Variants in XPC observed in about 807,000 individuals in gnomAD.
XPC encodes the protein DNA repair protein complementing XP-C cells.
A neutral mutation model predicts 95.8 loss-of-function variants in XPC; 76 were observed. The observed-to-expected ratio is 0.79, with a 90% confidence interval of 0.66 to 0.96. The LOEUF (loss-of-function observed/expected upper bound fraction) is 0.96. Ranked by LOEUF, XPC falls within the 40% of genes least tolerant of loss-of-function variation. XPC has a pLI of 0.00. For missense variants in XPC, 1,146 were observed against 1,179.8 expected, an observed-to-expected ratio of 0.97 and a Z score of 0.42; for synonymous variants, 442 against 442.1, an observed-to-expected ratio of 1.00 and a Z score of 0.00.
intron 7 of XPC, chr3:14,164,576 G>A (rs1380496677): frequency 2.3e-6 from 1 of 428,448 alleles, no homozygotes; most frequent in East Asian, 4.4e-5. Flanking sequence ...CGATAGGGAG[G>A]AAAGCATACA....
intron 5 of XPC, 21 bp downstream of exon 5, chr3:14,167,148 C>T (rs763582398): frequency 1.3e-6 from 2 of 1,548,522 alleles, no homozygotes; most frequent in South Asian, 1.2e-5. Flanking sequence ...AAAGTCCTTC[C>T]CCATCATTCC....
intron 10 of XPC, chr3:14,153,097 C>T (rs2125016813): frequency 6.6e-6 from 1 of 152,376 alleles, no homozygotes; most frequent in African/African-American, 2.4e-5. Flanking sequence ...TTAGTTTGCA[C>T]CCCCTTCACT....
At chr3:14,171,662 C>G (rs1242872499) in intron 2 of XPC, among the ~76,000 whole-genome samples, 3 of 152,070 alleles carry the variant, frequency 2.0e-5, no homozygotes, top group African/African-American at 7.2e-5. Flanking sequence ...ATGGTGGAAC[C>G]CTGTTTCTAC....
Position 14,168,287 on chromosome 3 carries a change from G to T in XPC, c.506C>A (p.Thr169Lys). 2.5e-6 allele frequency: 4 copies of T among 1,613,382 alleles called. No individual in the cohort carries two copies. The highest frequency in any genetic ancestry group is 1.7e-6 in the Non-Finnish European group (2 of 1,179,702). ...TTCTCTTGTCTTCGCCTGCTCTGGC[G>T]TTTCAATCTCTATCTCCACTGGCTT... The part of the protein sequence containing the change: ...PVKPVEIEIE[T>K]PEQAKTRERS... Residue 169 changes from threonine to lysine, a missense_variant, in exon 4 of 16, where the codon ACG (threonine) becomes AAG (lysine). Thr to Lys is a moderately conservative substitution (Grantham distance 78). Coordinates refer to ENST00000285021, the MANE Select transcript of XPC (RefSeq NM_004628.5).
intron 2 of XPC, 85 bp downstream of exon 2, chr3:14,172,782 A>T (rs1696662232): frequency 2.8e-6 from 4 of 1,426,062 alleles, no homozygotes; most frequent in Admixed American, 4.7e-5. Context: ...GACCCCAGTG[A>T]CAAGTAAGAA....
chr3:14,145,630 C>T lies in XPC; in HGVS notation c.*311G>A, dbSNP rs1695390227. On this transcript the variant is annotated 3_prime_UTR_variant, in exon 16 of 16. Coordinates refer to ENST00000285021, the MANE Select transcript of XPC (RefSeq NM_004628.5). ...CTGATGTTTCTAAAGATGGAAAGAA[C>T]AGGTCTAGGAGGCAGAAGAGTATCT... The T allele has an allele frequency of 1.4e-6, 1 of 699,250 alleles. No individual in the cohort carries two copies. The highest frequency in any genetic ancestry group is 2.6e-6 in the Non-Finnish European group (1 of 384,718). 43.3% of individuals were successfully genotyped at this position (699,250 alleles called of 1,614,324 possible).
intron 2 of XPC, among the ~76,000 whole-genome samples, chr3:14,171,854 G>A (rs924528867): frequency 1.3e-5 from 2 of 152,008 alleles, no homozygotes; most frequent in Admixed American, 1.3e-4. Flanking sequence ...GGGACGGGGC[G>A]GGACGGGAAG....
At position 14,148,568 on chromosome 3, in the gene XPC, T is replaced by A. The variant is rs1158663983; in HGVS notation, c.2414A>T (p.His805Leu). 6.2e-7 allele frequency: 1 copy of A among 1,613,782 alleles called. No homozygotes were observed. Among genetic ancestry groups the A allele is most frequent in the Non-Finnish European group, 8.5e-7 (1 of 1,179,796 alleles). ...TCGAAGGCCCCTCACGCACACGGGA[T>A]GGGAGTAGCCGCCATGGAAATCAAA... Reference protein sequence around the residue: ...TGFDFHGGYSHPVTDGYIVCE... With the variant: ...TGFDFHGGYSLPVTDGYIVCE... Residue 805 changes from histidine (H) to leucine (L), a missense_variant, in exon 13 of 16, where the codon CAT (histidine) becomes CTT (leucine). Coordinates refer to ENST00000285021, the MANE Select transcript of XPC (RefSeq NM_004628.5).
chr3:14,157,992 C>G lies in XPC; in HGVS notation c.1872+19G>C. 6.3e-7 allele frequency: 1 copy of G among 1,580,452 alleles called. No individual in the cohort carries two copies. The highest frequency in any genetic ancestry group is 8.6e-7 in the Non-Finnish European group (1 of 1,158,614). On this transcript the variant is annotated intron_variant, in intron 9 of 15. Coordinates refer to ENST00000285021, the MANE Select transcript of XPC (RefSeq NM_004628.5). ...ATAACCTGACTGTGTCTTGGAGCCC[C>G]TGGCAGCCAAGGCCTTACCTCCAAG...
At chr3:14,149,970 G>C (rs932695247) in intron 11 of XPC, 2 of 152,246 alleles carry the variant, frequency 1.3e-5, no homozygotes, top group African/African-American at 2.4e-5. Context: ...GAGACTGAGA[G>C]ACAAAGTCAC....
At position 14,147,840 on chromosome 3, in the gene XPC, A is replaced by G. The variant is rs2607749; in HGVS notation, c.2514+68T>C. 654,637 of 1,421,838 alleles carry G rather than the reference A, an allele frequency of 0.46. 155,851 individuals carry two copies. The highest frequency in any genetic ancestry group is 0.48 in the Non-Finnish European group (500,038 of 1,033,660). 88.1% of individuals were successfully genotyped at this position (1,421,838 alleles called of 1,614,324 possible). On this transcript the variant is annotated intron_variant, in intron 14 of 15. Coordinates refer to ENST00000285021, the MANE Select transcript of XPC (RefSeq NM_004628.5). ...GGAGCACACGGAGGCGGCCTGGGGA[A>G]GGAAGAGGCCACCCGCTGAGTGTTG...
intron 10 of XPC, chr3:14,153,396 A>G (rs924154415): frequency 3.3e-5 from 5 of 152,244 alleles, no homozygotes; most frequent in African/African-American, 9.6e-5. Context: ...TCAAGTACCC[A>G]TACAACCATT....
chr3:14,150,753 G>A (rs1288342384), intron 11 of XPC, among the ~76,000 whole-genome samples: 1 of 152,230 alleles, frequency 6.6e-6, no homozygotes, highest in Non-Finnish European at 1.5e-5. Context: ...AAGAAAGGCT[G>A]CTCAAAACAG....
chr3:14,152,209 AGACATTTCT>A, intron 11 of XPC, 117 bp downstream of exon 11: 1 of 714,968 alleles, frequency 1.4e-6, no homozygotes, highest in Non-Finnish European at 2.3e-6. Context: ...CGGGAAAGTG[AGACATTTCT>A]GATCAGGATC....
chr3:14,154,242 A>T (rs1037947148), intron 10 of XPC, among the ~76,000 whole-genome samples: 1 of 152,236 alleles, frequency 6.6e-6, no homozygotes, highest in Non-Finnish European at 1.5e-5. Flanking sequence ...GTTCCTAAAA[A>T]AATGATGGGA....
rs748701962 is a variant in XPC at position 14,158,056 on chromosome 3, T to C, written c.1827A>G (p.Pro609=). The C allele has an allele frequency of 8.1e-6, 13 of 1,611,506 alleles. No homozygotes were observed. Among genetic ancestry groups the C allele is most frequent in the Non-Finnish European group, 1.1e-5 (13 of 1,177,758 alleles). The change falls in exon 9 of 16, where the codon CCA becomes CCG. Residue 609 remains proline, a synonymous_variant. Coordinates refer to ENST00000285021, the MANE Select transcript of XPC (RefSeq NM_004628.5). This position sits in a 1 kb window ranked among gnomAD's most constrained non-coding sequence, Gnocchi z 5.2. ...DAEWWAETLR[P]YQSPFMDREK... is the part of the protein sequence containing the mutation. ...CCCTGTCCATAAATGGGCTCTGGTA[T>C]GGTCTCAAGGTCTCGGCCCACCACT...
chr3:14,172,850 C>T lies in XPC; in HGVS notation c.299+17G>A. On this transcript the variant is annotated intron_variant, in intron 2 of 15. Transcript: ENST00000285021. Reference sequence around the variant, plus strand: ...AGAAAAATCAAGACCCGAGACAAAGCTTTGCAGACATCTCACCTGAGGTCA... The same window carrying T: ...AGAAAAATCAAGACCCGAGACAAAGTTTTGCAGACATCTCACCTGAGGTCA... The T allele has an allele frequency of 6.2e-7, 1 of 1,608,020 alleles. No homozygotes were observed. Among genetic ancestry groups the T allele is most frequent in the Non-Finnish European group, 8.5e-7 (1 of 1,177,272 alleles).
chr3:14,147,747 C>T (rs1244643697), intron 14 of XPC, 161 bp downstream of exon 14: 1 of 657,022 alleles, frequency 1.5e-6, no homozygotes, highest in Non-Finnish European at 2.6e-6. Flanking sequence ...TGGGCAGGAG[C>T]CTGCTGTATT....
Position 14,158,551 on chromosome 3 carries a change from A to G in XPC, c.1332T>C (p.Asp444=). ...AGGCTTCTCCACTGGAGAGCTCAAA[A>G]TCAGAGCCGCTGCCAGCCTCATCAC... ...SGSDEAGSGS[D]FELSSGEASD... The change falls in exon 9 of 16, where the codon GAT becomes GAC. Residue 444 remains aspartate (D), a synonymous_variant. Coordinates refer to ENST00000285021, the MANE Select transcript of XPC (RefSeq NM_004628.5). The surrounding 1 kb of genome is among the most constrained non-coding windows in gnomAD (Gnocchi z 5.2). 2 of 1,613,360 alleles carry G rather than the reference A, an allele frequency of 1.2e-6. No homozygotes were observed. The highest frequency in any genetic ancestry group is 1.7e-6 in the Non-Finnish European group (2 of 1,179,800).
Sources: gnomAD v4.1 joint callset for allele counts (sites outside exome capture counted in the v4.1 genomes callset) on GRCh38, gnomAD v4.1.1 for gene constraint, Gnocchi (gnomAD v3.1) non-coding constraint, MANE v1.5 for transcripts, NCBI Gene and HGNC (gene_info 2026-07-23, HGNC 2026-07-21) for gene names.